Variants in PRKCB observed in about 807,000 individuals in gnomAD.
The protein encoded by PRKCB is protein kinase C beta type.
In PRKCB, 13 loss-of-function variants were observed where a neutral mutation model predicts 81.5. That is an observed-to-expected ratio of 0.16 (90% confidence interval 0.10 to 0.25). The LOEUF is 0.25. PRKCB is among the 10% of genes least tolerant of loss of function. The pLI, the probability that PRKCB is intolerant of heterozygous loss-of-function variation, is 1.00. For missense variants in PRKCB, 509 were observed against 875.7 expected, an observed-to-expected ratio of 0.58 and a Z score of 5.29; for synonymous variants, 335 against 321.4, an observed-to-expected ratio of 1.04 and a Z score of -0.45.
At chr16:24,093,831 C>T (rs1966406326) in intron 6 of PRKCB, among the ~76,000 whole-genome samples, 1 of 152,186 alleles carries the variant, frequency 6.6e-6, no homozygotes, top group African/African-American at 2.4e-5. Flanking sequence ...CACATGTACA[C>T]ACCCAATTAT....
At chr16:24,117,712 T>A (rs1966751060) in intron 8 of PRKCB, among the ~76,000 whole-genome samples, 1 of 152,104 alleles carries the variant, frequency 6.6e-6, no homozygotes, top group Non-Finnish European at 1.5e-5. Context: ...GGAAGCACCA[T>A]AAGTTAATAA....
At chr16:23,971,783 CATATT>C (rs1212470625) in intron 2 of PRKCB, among the ~76,000 whole-genome samples, 1 of 152,106 alleles carries the variant, frequency 6.6e-6, no homozygotes, top group Admixed American at 6.5e-5. Context: ...GAATGCAAAA[CATATT>C]ATAAGATAAT....
intron 3 of PRKCB, among the ~76,000 whole-genome samples, chr16:24,019,854 T>C (rs1331205076): frequency 1.3e-5 from 2 of 152,204 alleles, no homozygotes; most frequent in African/African-American, 2.4e-5. Flanking sequence ...TCTTCCATTA[T>C]GTGGCTACAC....
At chr16:24,028,348 C>T (rs1213002667) in intron 3 of PRKCB, among the ~76,000 whole-genome samples, 6 of 152,216 alleles carry the variant, frequency 3.9e-5, no homozygotes, top group African/African-American at 9.6e-5. Flanking sequence ...CTCGGCTTCC[C>T]GAAGTGCTGG....
At chr16:24,155,105 A>AG (rs1967137213) in intron 10 of PRKCB, among the ~76,000 whole-genome samples, 2 of 152,242 alleles carry the variant, frequency 1.3e-5, no homozygotes, top group African/African-American at 4.8e-5. Context: ...TTAACAGAGC[A>AG]GGGCCTTTCT....
chr16:24,137,361 GT>G (rs946758512), intron 9 of PRKCB, among the ~76,000 whole-genome samples: 1 of 150,446 alleles, frequency 6.6e-6, no homozygotes, highest in Admixed American at 6.6e-5. Flanking sequence ...GCTCATTTTT[GT>G]TTTTTTTCTA....
rs1968285006 is a variant in PRKCB, at chr16:24,219,381, C to G, written c.*4565C>G. The G allele has an allele frequency of 4.1e-6, 4 of 985,212 alleles. No individual in the cohort carries two copies. The highest frequency in any genetic ancestry group is 4.8e-6 in the Non-Finnish European group (4 of 830,020). The allele number at this position is 985,212 out of a possible 1,614,324, so 61.0% of individuals were successfully genotyped here. Reference sequence around the variant, plus strand: ...AGAGAACTTCTGCCTGATAAACACCCAATTCTAGACTGTGGGTGGATTTTC... The same window carrying G: ...AGAGAACTTCTGCCTGATAAACACCGAATTCTAGACTGTGGGTGGATTTTC... On this transcript the variant is annotated 3_prime_UTR_variant, in exon 17 of 17. Coordinates refer to ENST00000643927, the MANE Select transcript of PRKCB (RefSeq NM_002738.7).
At chr16:23,860,943 G>A (rs1309721887) in intron 2 of PRKCB, among the ~76,000 whole-genome samples, 1 of 151,986 alleles carries the variant, frequency 6.6e-6, no homozygotes, top group Admixed American at 6.6e-5. Flanking sequence ...AATTCTTCGG[G>A]TTAAGGAGAG....
chr16:24,214,940 A>G lies in PRKCB; in HGVS notation c.*124A>G. On this transcript the variant is annotated 3_prime_UTR_variant, in exon 17 of 17. Transcript: ENST00000643927. ...TTGATTTTCTGATGAGACTAGAGTG[A>G]CAGTGTTTCAGAACCCAAATGTCCT... 10 of 1,511,456 alleles carry G rather than the reference A, an allele frequency of 6.6e-6. No homozygotes were observed. Among genetic ancestry groups the G allele is most frequent in the South Asian group, 2.7e-5 (2 of 75,304 alleles). The allele number at this position is 1,511,456 out of a possible 1,614,324, so 93.6% of individuals were successfully genotyped here.
chr16:23,888,048 T>C (rs1194937010), intron 2 of PRKCB, among the ~76,000 whole-genome samples: 1 of 152,218 alleles, frequency 6.6e-6, no homozygotes, highest in African/African-American at 2.4e-5. Context: ...GAATCTGACT[T>C]GCTGAACTCT....
chr16:24,071,238 C>G (rs890822670), intron 5 of PRKCB, among the ~76,000 whole-genome samples: 1 of 152,032 alleles, frequency 6.6e-6, no homozygotes, highest in Admixed American at 6.6e-5. Context: ...ACTCTGCCTT[C>G]AGACCTCTCA....
chr16:24,164,654 A>T (rs1013613262), intron 10 of PRKCB, among the ~76,000 whole-genome samples: 2 of 152,194 alleles, frequency 1.3e-5, no homozygotes, highest in African/African-American at 4.8e-5. Context: ...GAGGGAGAGG[A>T]TAGAAATATA....
intron 2 of PRKCB, among the ~76,000 whole-genome samples, chr16:23,954,421 C>T (rs1964323884): frequency 6.6e-6 from 1 of 152,218 alleles, no homozygotes; most frequent in Non-Finnish European, 1.5e-5. Context: ...TGATGGGCTC[C>T]TCGGGCTCTT....
At chr16:24,074,623 G>A (rs1039467082) in intron 5 of PRKCB, among the ~76,000 whole-genome samples, 2 of 152,188 alleles carry the variant, frequency 1.3e-5, no homozygotes, top group Non-Finnish European at 2.9e-5. Context: ...TTTAAAATCA[G>A]TAGGCAACAG....
chr16:24,192,052 G>A (rs967227426), intron 16 of PRKCB, among the ~76,000 whole-genome samples: 3 of 152,250 alleles, frequency 2.0e-5, no homozygotes, highest in Non-Finnish European at 2.9e-5. Flanking sequence ...GACTGAGGCT[G>A]AAGAGTGAAC....
chr16:24,035,030 C>G (rs1324692944), intron 4 of PRKCB, among the ~76,000 whole-genome samples: 1 of 152,178 alleles, frequency 6.6e-6, no homozygotes, highest in Non-Finnish European at 1.5e-5. Context: ...AATGTTTTTG[C>G]TCTGTTTCCC....
Position 23,874,568 on chromosome 16 carries a change from C to CTTTTTTTTTTTTT in PRKCB, c.205+37165_205+37177dup, listed in dbSNP as rs58560122. ...GCCTAGCATCACCAGATTCTTCTCT[C>CTTTTTTTTTTTTT]TTTTTTTTTTTTTTTGTTTTGCCCC... On this transcript the variant is annotated intron_variant, in intron 2 of 16. Coordinates refer to ENST00000643927, the MANE Select transcript of PRKCB (RefSeq NM_002738.7). Among the ~76,000 whole-genome samples the CTTTTTTTTTTTTT allele has an allele frequency of 1.5e-5, 2 of 133,052 alleles. 1 individual carries two copies. Among genetic ancestry groups the CTTTTTTTTTTTTT allele is most frequent in the African/African-American group, 5.7e-5 (2 of 34,858 alleles). 87.3% of individuals were successfully genotyped at this position (133,052 alleles called of 152,430 possible).
intron 9 of PRKCB, among the ~76,000 whole-genome samples, chr16:24,144,431 T>C (rs762566870): frequency 6.6e-6 from 1 of 152,198 alleles, no homozygotes; most frequent in Non-Finnish European, 1.5e-5. Flanking sequence ...CCCAAGTAAC[T>C]GGGATTACAG....
At chr16:24,162,441 A>ATTTTTT (rs1567397400) in intron 10 of PRKCB, among the ~76,000 whole-genome samples, 2 of 119,800 alleles carry the variant, frequency 1.7e-5, no homozygotes, top group African/African-American at 3.4e-5. Flanking sequence ...AACAGAGAAG[A>ATTTTTT]CTTTTTTTTT....
Sources: gnomAD v4.1 joint callset for allele counts (sites outside exome capture counted in the v4.1 genomes callset) on GRCh38, gnomAD v4.1.1 for gene constraint, MANE v1.5 for transcripts, NCBI Gene and HGNC (gene_info 2026-07-23, HGNC 2026-07-21) for gene names.